The following NYAP2 variants were observed in gnomAD, a reference collection of about 807,000 sequenced individuals.
NYAP2 encodes the protein neuronal tyrosine-phosphorylated phosphoinositide-3-kinase adaptor 2, also known as neuronal tyrosine-phosphorylated phosphoinositide-3-kinase adapter 2.
In NYAP2, 23 loss-of-function variants were observed where a neutral mutation model predicts 50.4. That is an observed-to-expected ratio of 0.46 (90% CI 0.33 to 0.65). The LOEUF (loss-of-function observed/expected upper bound fraction) is 0.65. Among genes scored for constraint, NYAP2 ranks in the 30% least tolerant of loss-of-function variants. NYAP2 has a pLI of 0.02. For synonymous variants in NYAP2, 394 were observed against 365.2 expected (o/e 1.08, Z -0.90); for missense variants, 885 against 861.0 (o/e 1.03, Z -0.35).
intron 4 of NYAP2, among the ~76,000 whole-genome samples, chr2:225,562,210 C>T (rs993151546): frequency 6.6e-6 from 1 of 152,112 alleles, no homozygotes; most frequent in East Asian, 1.9e-4. Flanking sequence ...AGAACAGTTT[C>T]TGCTATTGCT....
chr2:225,586,728 T>C (rs1559222777), intron 5 of NYAP2, among the ~76,000 whole-genome samples: 1 of 152,204 alleles, frequency 6.6e-6, no homozygotes, highest in Admixed American at 6.5e-5. Flanking sequence ...GGCCATTTCA[T>C]TTTAATAAAT....
At chr2:225,595,294 T>C (rs2106237981) in intron 5 of NYAP2, among the ~76,000 whole-genome samples, 1 of 152,274 alleles carries the variant, frequency 6.6e-6, no homozygotes, top group East Asian at 1.9e-4. Context: ...GTGCTATGGG[T>C]GGATAATTCT....
At chr2:225,613,383 A>T (rs1396262755) in intron 5 of NYAP2, among the ~76,000 whole-genome samples, 1 of 152,144 alleles carries the variant, frequency 6.6e-6, no homozygotes, top group South Asian at 2.1e-4. Context: ...CTCTGCTGGC[A>T]GCTGATTGGA....
chr2:225,685,425 G>A, the NYAP2 span, among the ~76,000 whole-genome samples: 1 of 151,696 alleles, frequency 6.6e-6, no homozygotes, highest in African/African-American at 2.4e-5. Context: ...GTTCCTTCAG[G>A]GAATATCTCT....
chr2:225,560,228 T>A (rs1240035586), intron 4 of NYAP2, among the ~76,000 whole-genome samples: 1 of 152,156 alleles, frequency 6.6e-6, no homozygotes, highest in East Asian at 1.9e-4. Context: ...ATTTTTTCTA[T>A]GCCAATAGGC....
At chr2:225,497,834 T>G (rs1384937568) in intron 3 of NYAP2, among the ~76,000 whole-genome samples, 3 of 152,160 alleles carry the variant, frequency 2.0e-5, no homozygotes, top group Non-Finnish European at 2.9e-5. Context: ...GATGGAATTT[T>G]TTCACTTCCT....
intron 3 of NYAP2, among the ~76,000 whole-genome samples, chr2:225,449,731 C>G (rs2106146711): frequency 6.6e-6 from 1 of 151,572 alleles, no homozygotes; most frequent in South Asian, 2.1e-4. Flanking sequence ...GCCTCGGCCT[C>G]CCAAGTAGCT....
chr2:225,463,395 T>G (rs745532386), intron 3 of NYAP2, among the ~76,000 whole-genome samples: 33 of 152,266 alleles, frequency 2.2e-4, no homozygotes, highest in Non-Finnish European at 4.4e-4. Flanking sequence ...TTTTCTCGTA[T>G]TTGTAACACT....
chr2:225,666,498 G>T, the NYAP2 span, among the ~76,000 whole-genome samples: 3,583 of 152,190 alleles, frequency 0.024, 159 homozygotes, highest in African/African-American at 0.081. Context: ...CAATATATTG[G>T]TTTGGTTCAG....
At chr2:225,580,790 G>T (rs1378222495) in intron 4 of NYAP2, among the ~76,000 whole-genome samples, 2 of 151,822 alleles carry the variant, frequency 1.3e-5, no homozygotes, top group African/African-American at 2.4e-5. Flanking sequence ...GAAGACTCAG[G>T]TGTTTCCCGA....
At chr2:225,545,221 A>G (rs1169587850) in intron 4 of NYAP2, among the ~76,000 whole-genome samples, 1 of 152,142 alleles carries the variant, frequency 6.6e-6, no homozygotes, top group African/African-American at 2.4e-5. Flanking sequence ...GAATGTTGAT[A>G]TCCTTCTCTA....
At chr2:225,537,276 A>G (rs1399757468) in intron 4 of NYAP2, among the ~76,000 whole-genome samples, 2 of 151,434 alleles carry the variant, frequency 1.3e-5, no homozygotes, top group African/African-American at 2.4e-5. Flanking sequence ...ATTATTTCCA[A>G]CTCCATCTAT....
chr2:225,425,352 G>T (rs1452879417), intron 3 of NYAP2, among the ~76,000 whole-genome samples: 2 of 152,136 alleles, frequency 1.3e-5, no homozygotes, highest in Admixed American at 1.3e-4. Flanking sequence ...TGTTTTGATG[G>T]ATTACACACA....
intron 5 of NYAP2, among the ~76,000 whole-genome samples, chr2:225,616,036 C>T (rs1324473013): frequency 1.3e-5 from 2 of 152,140 alleles, no homozygotes; most frequent in Non-Finnish European, 2.9e-5. Context: ...TGTGTGAAGG[C>T]TCTGTGATGT....
At chr2:225,442,454 C>A (rs973115194) in intron 3 of NYAP2, among the ~76,000 whole-genome samples, 2 of 152,142 alleles carry the variant, frequency 1.3e-5, no homozygotes, top group African/African-American at 4.8e-5. Flanking sequence ...GCATTATTTC[C>A]TGTCTGAGTT....
intron 3 of NYAP2, among the ~76,000 whole-genome samples, chr2:225,498,920 T>G (rs1385026702): frequency 6.6e-6 from 1 of 152,078 alleles, no homozygotes; most frequent in Non-Finnish European, 1.5e-5. Flanking sequence ...GGAACACCCA[T>G]TTGGAAATGC....
chr2:225,441,212 T>C (rs1263113959), intron 3 of NYAP2, among the ~76,000 whole-genome samples: 1 of 152,222 alleles, frequency 6.6e-6, no homozygotes, highest in African/African-American at 2.4e-5. Flanking sequence ...GAACTAATAC[T>C]ACACAATAGT....
intron 3 of NYAP2, among the ~76,000 whole-genome samples, chr2:225,440,360 T>C (rs1396577398): frequency 6.6e-6 from 1 of 152,226 alleles, no homozygotes; most frequent in Non-Finnish European, 1.5e-5. Flanking sequence ...TCAACAATGC[T>C]ATGAAATCTG....
chr2:225,685,694 C>A, the NYAP2 span, among the ~76,000 whole-genome samples: 1 of 151,944 alleles, frequency 6.6e-6, no homozygotes, highest in Non-Finnish European at 1.5e-5. Context: ...ATAAAATAGT[C>A]AAAAGTCAAA....
Sources: gnomAD v4.1 joint callset for allele counts (sites outside exome capture counted in the v4.1 genomes callset) on GRCh38, gnomAD v4.1.1 for gene constraint, MANE v1.5 for transcripts, NCBI Gene and HGNC (gene_info 2026-07-23, HGNC 2026-07-21) for gene names.